MYOZ3: variants seen among roughly 807,000 people sequenced by gnomAD.
MYOZ3 encodes the protein myozenin 3.
Under a neutral mutation model 26.5 loss-of-function variants are expected in MYOZ3, and 19 were observed. The ratio of observed to expected loss-of-function variants is 0.72; its 90% CI spans 0.50 to 1.05. The LOEUF is 1.05. Among genes scored for constraint, MYOZ3 ranks in the 50% least tolerant of loss-of-function variants. The pLI is 0.00. For synonymous variants in MYOZ3, 135 were observed against 138.8 expected (o/e 0.97, Z 0.19); for missense variants, 322 against 337.1 (o/e 0.96, Z 0.35).
At chr5:150,675,390 G>A (rs2151449842) in intron 6 of MYOZ3, among the ~76,000 whole-genome samples, 1 of 151,554 alleles carries the variant, frequency 6.6e-6, no homozygotes, top group South Asian at 2.1e-4. Flanking sequence ...TTCGCGGGGT[G>A]GAGCAGAGTT....
chr5:150,667,389 G>C (rs1412021005), intron 2 of MYOZ3, among the ~76,000 whole-genome samples: 1 of 152,084 alleles, frequency 6.6e-6, no homozygotes, highest in African/African-American at 2.4e-5. Flanking sequence ...ACATCTGCAA[G>C]CATCCTCCGC....
At chr5:150,664,350 C>T (rs1040914428) in intron 2 of MYOZ3, among the ~76,000 whole-genome samples, 36 of 152,172 alleles carry the variant, frequency 2.4e-4, no homozygotes, top group African/African-American at 8.7e-4. Flanking sequence ...ATTCTCTTTT[C>T]TCTTGGGGAG....
intron 3 of MYOZ3, chr5:150,670,909 A>AAAG (rs869180084): frequency 4.6e-6 from 1 of 216,926 alleles, no homozygotes; most frequent in Non-Finnish European, 8.7e-6. Context: ...AAAAAAAAAA[A>AAAG]GCTAAGACAG....
chr5:150,663,566 T>C lies in MYOZ3; in HGVS notation c.61+564T>C, dbSNP rs74716973. 3.4e-3 allele frequency among the ~76,000 whole-genome samples: 516 copies of C among 152,340 alleles called. 18 individuals are homozygous for C. The East Asian group carries it at 0.084, about 25-fold the overall frequency. ...ACTTAAAGCTGATTCATCAAATGAG[T>C]AAATCATTTTTATCATTTCATTAAA... is the stretch of plus-strand genomic sequence containing the variant. On this transcript the variant is annotated intron_variant, in intron 2 of 6. Coordinates refer to ENST00000517768, the MANE Select transcript of MYOZ3 (RefSeq NM_001122853.3).
chr5:150,664,736 G>A (rs945541231), intron 2 of MYOZ3, among the ~76,000 whole-genome samples: 1 of 152,054 alleles, frequency 6.6e-6, no homozygotes, highest in Non-Finnish European at 1.5e-5. Flanking sequence ...TTGACTCCAG[G>A]TCTCTTTGTC....
rs1759064166 is a variant in MYOZ3 at position 150,679,048 on chromosome 5, C to T, written c.*2173C>T. 1 of 152,340 alleles carries T rather than the reference C, an allele frequency of 6.6e-6. No individual in the cohort carries two copies. The highest frequency in any genetic ancestry group is 1.5e-5 in the Non-Finnish European group (1 of 68,044). The allele number at this position is 152,340 out of a possible 1,614,324, so 9.4% of individuals were successfully genotyped here. A position where few individuals can be genotyped will look rare whatever the true frequency, so the allele number is the denominator to read the frequency against. On this transcript the variant is annotated 3_prime_UTR_variant, in exon 7 of 7. Transcript: ENST00000517768. ...CTTCTGGGTCCCAAGGGCCCAATGG[C>T]CTGACTTTTAGAATTGCTTGCAATT...
At chr5:150,666,435 G>A (rs1182334865) in intron 2 of MYOZ3, among the ~76,000 whole-genome samples, 1 of 152,004 alleles carries the variant, frequency 6.6e-6, no homozygotes, top group South Asian at 2.1e-4. Flanking sequence ...CCAACATGGT[G>A]AAACCCCATC....
In MYOZ3 at chr5:150,678,238, C is replaced by T. The variant is rs1251172022; in HGVS notation, c.*1363C>T. The T allele has an allele frequency of 6.6e-6, 1 of 152,220 alleles. No homozygotes were observed. The highest frequency in any genetic ancestry group is 2.1e-4 in the South Asian group (1 of 4,816). 9.4% of individuals were successfully genotyped at this position (152,220 alleles called of 1,614,324 possible). On this transcript the variant is annotated 3_prime_UTR_variant, in exon 7 of 7. Coordinates refer to ENST00000517768, the MANE Select transcript of MYOZ3 (RefSeq NM_001122853.3). The stretch of plus-strand genomic sequence containing the variant: ...GCAAAGTGGGGTGCTTATTAAGATT[C>T]CTTCTTTCCACTCCATTTTGAGCAG...
intron 2 of MYOZ3, among the ~76,000 whole-genome samples, chr5:150,666,613 CA>C (rs1225832285): frequency 0.03 from 3,128 of 104,176 alleles, 36 homozygotes; most frequent in Middle Eastern, 0.045. Context: ...GACTCTGTCT[CA>C]AAAAAAAAAA....
In MYOZ3 at chr5:150,676,559, A is replaced by AAT. The variant is rs1759010219; in HGVS notation, c.588-147_588-146insTA. 8 of 714,252 alleles carry AAT rather than the reference A, an allele frequency of 1.1e-5. 1 individual carries two copies. The East Asian group carries it at 2.2e-4, about 20-fold the overall frequency. The allele number at this position is 714,252 out of a possible 1,614,324, so 44.2% of individuals were successfully genotyped here. On this transcript the variant is annotated intron_variant, in intron 6 of 6. Coordinates refer to ENST00000517768, the MANE Select transcript of MYOZ3 (RefSeq NM_001122853.3). Reference sequence around the variant, plus strand: ...ACTCTGTCTCAAAAAAAAAAAAAAAAAAAAGATGTACAGAATCTTGCTGTA... The same window carrying AAT: ...ACTCTGTCTCAAAAAAAAAAAAAAAAATAAAAGATGTACAGAATCTTGCTGTA...
At chr5:150,673,522 A>C (rs1399442108) in intron 6 of MYOZ3, among the ~76,000 whole-genome samples, 1 of 151,954 alleles carries the variant, frequency 6.6e-6, no homozygotes, top group Non-Finnish European at 1.5e-5. Flanking sequence ...TTGTATTTTT[A>C]GTAGAGACAG....
intron 2 of MYOZ3, among the ~76,000 whole-genome samples, chr5:150,663,462 T>G: frequency 6.7e-6 from 1 of 150,302 alleles, no homozygotes; most frequent in Non-Finnish European, 1.5e-5. Flanking sequence ...GAGAGTGGAG[T>G]AGGGTGGGAA....
intron 5 of MYOZ3, 165 bp from the exon 6 acceptor site, chr5:150,672,175 G>A (rs866146851): frequency 1.8e-6 from 2 of 1,101,844 alleles, no homozygotes; most frequent in Non-Finnish European, 2.7e-6. Flanking sequence ...GGATGGGGAG[G>A]GGTCTCCTGT....
At position 150,678,198 on chromosome 5, in the gene MYOZ3, C is replaced by T. The variant is rs1399308170; in HGVS notation, c.*1323C>T. 1 of 152,282 alleles carries T rather than the reference C, an allele frequency of 6.6e-6. No homozygotes were observed. The highest frequency in any genetic ancestry group is 1.5e-5 in the Non-Finnish European group (1 of 68,056). The allele number at this position is 152,282 out of a possible 1,614,324, so 9.4% of individuals were successfully genotyped here. ...GAGAGAAGGGGCCACCCACTGGGCA[C>T]CTAACAGGACAGGTGCAAAGTGGGG... On this transcript the variant is annotated 3_prime_UTR_variant, in exon 7 of 7. Transcript: ENST00000517768.
intron 2 of MYOZ3, among the ~76,000 whole-genome samples, chr5:150,667,135 A>G (rs529338684): frequency 7.2e-5 from 11 of 152,294 alleles, no homozygotes; most frequent in African/African-American, 2.6e-4. Flanking sequence ...AAAAAAAATC[A>G]GTGTCCTTTT....
intron 2 of MYOZ3, among the ~76,000 whole-genome samples, chr5:150,665,524 C>A (rs1165244489): frequency 2.0e-5 from 3 of 152,168 alleles, no homozygotes; most frequent in Non-Finnish European, 4.4e-5. Context: ...TATCTTTGGA[C>A]ATATTTATTC....
chr5:150,661,763 T>C (rs547605688), intron 1 of MYOZ3, among the ~76,000 whole-genome samples: 2 of 152,304 alleles, frequency 1.3e-5, no homozygotes, highest in Admixed American at 1.3e-4. Context: ...AGGGAGTGTT[T>C]ATCAAGAAAC....
intron 2 of MYOZ3, 200 bp from the exon 3 acceptor site, chr5:150,670,284 C>A: frequency 8.0e-6 from 4 of 497,560 alleles, no homozygotes; most frequent in Non-Finnish European, 1.4e-5. Context: ...CACTGAGCAA[C>A]AAACACATGC....
chr5:150,671,681 A>C, intron 4 of MYOZ3, 31 bp downstream of exon 4: 1 of 1,613,514 alleles, frequency 6.2e-7, no homozygotes, highest in Non-Finnish European at 8.5e-7. Context: ...CCTGGAAGGG[A>C]AGCTGGGGGA....
Sources: allele counts gnomAD v4.1 joint callset (sites outside exome capture counted in the v4.1 genomes callset), GRCh38; gene constraint gnomAD v4.1.1; transcripts MANE v1.5; gene names NCBI Gene and HGNC (gene_info 2026-07-23, HGNC 2026-07-21).